ADAM12: variants seen among roughly 807,000 people sequenced by gnomAD.
ADAM12 encodes the protein ADAM metallopeptidase domain 12.
In ADAM12, 70 loss-of-function variants were observed where a neutral mutation model predicts 106.4. The observed-to-expected ratio is 0.66, with a 90% CI of 0.54 to 0.80. The LOEUF (loss-of-function observed/expected upper bound fraction) is 0.80. Among genes scored for constraint, ADAM12 ranks in the 30% least tolerant of loss-of-function variants. ADAM12 has a pLI of 0.00. For synonymous variants in ADAM12, 420 were observed against 433.5 expected, an observed-to-expected ratio of 0.97 and a Z score of 0.39; for missense variants, 1,010 against 1,171.9, an observed-to-expected ratio of 0.86 and a Z score of 2.02.
At chr10:126,203,279 A>T (rs57618367) in intron 3 of ADAM12, among the ~76,000 whole-genome samples, 833 of 45,822 alleles carry the variant, frequency 0.018, 5 homozygotes, top group African/African-American at 0.07. Flanking sequence ...TTTGACATGC[A>T]TATTAATATG....
intron 3 of ADAM12, among the ~76,000 whole-genome samples, chr10:126,189,341 G>T (rs796579061): frequency 1.3e-5 from 2 of 152,184 alleles, no homozygotes; most frequent in Admixed American, 6.5e-5. Flanking sequence ...TGGGGTATAC[G>T]GTGGGGAGTG....
rs541481483 is a variant in ADAM12 at position 126,036,037 on chromosome 10, AT to A, written c.2529+108del. On this transcript the variant is annotated intron_variant, in intron 21 of 22. Coordinates refer to ENST00000448723, the MANE Select transcript of ADAM12 (RefSeq NM_001288973.2). Reference sequence around the variant, plus strand: ...CCATCTGAGTAGCTGAATTATCTCCATTTTACAGAGGCACCGAGAAGTTAAG... The same window carrying A: ...CCATCTGAGTAGCTGAATTATCTCCATTTACAGAGGCACCGAGAAGTTAAG... The A allele has an allele frequency of 2.9e-4, 294 of 1,027,092 alleles. 1 individual carries two copies. The African/African-American group carries it at 4.1e-3, about 14-fold the overall frequency. 63.6% of individuals were successfully genotyped at this position (1,027,092 alleles called of 1,614,324 possible).
chr10:126,344,848 G>A (rs1215702380), intron 1 of ADAM12, among the ~76,000 whole-genome samples: 3 of 152,176 alleles, frequency 2.0e-5, no homozygotes, highest in Admixed American at 6.5e-5. Context: ...GTATAAGAAT[G>A]CTTGTGATTT....
chr10:126,207,946 A>T (rs1289773213), intron 3 of ADAM12, among the ~76,000 whole-genome samples: 1 of 152,256 alleles, frequency 6.6e-6, no homozygotes, highest in Non-Finnish European at 1.5e-5. Flanking sequence ...CTTGCAAGGA[A>T]CAACATATTT....
At chr10:126,149,597 G>C (rs1956692852) in intron 4 of ADAM12, among the ~76,000 whole-genome samples, 1 of 152,200 alleles carries the variant, frequency 6.6e-6, no homozygotes, top group Non-Finnish European at 1.5e-5. Context: ...CATCTAATCA[G>C]CTGCCAGCGC....
intron 21 of ADAM12, among the ~76,000 whole-genome samples, chr10:126,031,262 G>A (rs1210263509): frequency 6.6e-6 from 1 of 152,074 alleles, no homozygotes; most frequent in Admixed American, 6.6e-5. Context: ...CTAACAAATG[G>A]GTCTTCTTTT....
At chr10:126,256,907 G>GAATAAT (rs76641223) in intron 3 of ADAM12, among the ~76,000 whole-genome samples, 10 of 146,358 alleles carry the variant, frequency 6.8e-5, no homozygotes, top group East Asian at 2.1e-4. Context: ...CTTTGGATGG[G>GAATAAT]AATAATAATA....
intron 1 of ADAM12, among the ~76,000 whole-genome samples, chr10:126,353,269 G>A (rs1365295448): frequency 1.3e-5 from 2 of 152,214 alleles, no homozygotes; most frequent in East Asian, 3.9e-4. Flanking sequence ...GCTAGGCCAA[G>A]TCCTTGAGGT....
intron 14 of ADAM12, among the ~76,000 whole-genome samples, chr10:126,055,676 T>C (rs1954614105): frequency 1.3e-5 from 2 of 152,218 alleles, no homozygotes; most frequent in Admixed American, 6.5e-5. Flanking sequence ...GGAAACCCCC[T>C]ACTTGACTAT....
At chr10:126,070,531 C>T (rs1315658466) in intron 12 of ADAM12, 1 of 152,206 alleles carries the variant, frequency 6.6e-6, no homozygotes, top group East Asian at 1.9e-4. Context: ...ACCGGATGCG[C>T]CAGTCTCAAC....
intron 22 of ADAM12, among the ~76,000 whole-genome samples, chr10:126,018,326 A>C (rs1219918797): frequency 1.3e-5 from 2 of 152,200 alleles, no homozygotes; most frequent in Non-Finnish European, 2.9e-5. Flanking sequence ...TGTGCTGGTA[A>C]ATGTTGAACA....
chr10:126,358,698 A>G (rs540425874), intron 1 of ADAM12, among the ~76,000 whole-genome samples: 1 of 152,326 alleles, frequency 6.6e-6, no homozygotes, highest in Admixed American at 6.5e-5. Context: ...GGAAGAAGTA[A>G]AATTGTTGCT....
chr10:126,054,385 G>C (rs1419290276), intron 14 of ADAM12, among the ~76,000 whole-genome samples: 1 of 152,244 alleles, frequency 6.6e-6, no homozygotes, highest in African/African-American at 2.4e-5. Flanking sequence ...GATGCAGGAT[G>C]ATGAGCGCCA....
At position 126,372,705 on chromosome 10, in the gene ADAM12, T is replaced by C. The variant is rs1467112992; in HGVS notation, c.88+15353A>G. Among the ~76,000 whole-genome samples the C allele has an allele frequency of 5.3e-5, 8 of 152,248 alleles. No individual in the cohort carries two copies. In the East Asian group the frequency reaches 5.8e-4, roughly 11 times the overall value. ...GCTTTTGTGCTTGAAAACAGTTGTC[T>C]TGATTTAGCTTTACAGACCATATCC... On this transcript the variant is annotated intron_variant, in intron 1 of 22. Coordinates refer to ENST00000448723, the MANE Select transcript of ADAM12 (RefSeq NM_001288973.2).
chr10:126,203,162 C>T (rs1957732932), intron 3 of ADAM12, among the ~76,000 whole-genome samples: 1 of 152,294 alleles, frequency 6.6e-6, no homozygotes, highest in African/African-American at 2.4e-5. Context: ...ACCTTTATTT[C>T]TAAACTGAAA....
chr10:126,292,826 T>C (rs996759528), intron 2 of ADAM12, among the ~76,000 whole-genome samples: 1 of 152,212 alleles, frequency 6.6e-6, no homozygotes. Flanking sequence ...AAATATTCTT[T>C]TGAATTTTTT....
Position 126,222,241 on chromosome 10 carries a change from C to T in ADAM12, c.260+56674G>A, listed in dbSNP as rs149479312. Among the ~76,000 whole-genome samples the T allele has an allele frequency of 3.5e-3, 539 of 151,990 alleles. 1 individual carries two copies. Among genetic ancestry groups the T allele is most frequent in the African/African-American group, 0.012 (491 of 41,430 alleles). On this transcript the variant is annotated intron_variant, in intron 3 of 22. Coordinates refer to ENST00000448723, the MANE Select transcript of ADAM12 (RefSeq NM_001288973.2). ...ATAAAGCTTTTGTTTGCAGAGAGGA[C>T]GCTGGGTTAGAACATTTATTTCTAT...
intron 3 of ADAM12, among the ~76,000 whole-genome samples, chr10:126,251,194 CA>C (rs1465113826): frequency 2.0e-5 from 3 of 152,184 alleles, no homozygotes; most frequent in African/African-American, 4.8e-5. Context: ...CCAAGATCCC[CA>C]AGTGGTCTGG....
chr10:126,067,306 C>T (rs888714790), intron 12 of ADAM12, among the ~76,000 whole-genome samples: 2 of 152,244 alleles, frequency 1.3e-5, no homozygotes, highest in Admixed American at 6.5e-5. Context: ...CCTGCAATCT[C>T]GCCAGGGTTG....
Sources: allele counts gnomAD v4.1 joint callset (sites outside exome capture counted in the v4.1 genomes callset), GRCh38; gene constraint gnomAD v4.1.1; transcripts MANE v1.5; gene names NCBI Gene and HGNC (gene_info 2026-07-23, HGNC 2026-07-21).